Variants in PIEZO2 observed in about 807,000 individuals in gnomAD.
PIEZO2 encodes piezo type mechanosensitive ion channel component 2.
PIEZO2 carries 172 observed loss-of-function variants against 337.3 expected under a neutral mutation model. The observed-to-expected ratio is 0.51, with a 90% CI of 0.45 to 0.58. The LOEUF (loss-of-function observed/expected upper bound fraction) is 0.58, where lower values mean the gene tolerates loss of function less well. PIEZO2 is among the 20% of genes least tolerant of loss of function. The probability of loss-of-function intolerance (pLI) is 0.00; values close to 1 mark genes in which losing one functional copy is unlikely to be tolerated. For synonymous variants in PIEZO2, 1,251 were observed against 1,228.5 expected (o/e 1.02, Z -0.38); for missense variants, 3,028 against 3,391.3 (o/e 0.89, Z 2.66).
At chr18:10,679,725 A>G (rs2034179567) in intron 52 of PIEZO2, among the ~76,000 whole-genome samples, 1 of 152,172 alleles carries the variant, frequency 6.6e-6, no homozygotes, top group Non-Finnish European at 1.5e-5. Context: ...CATGAGGAAA[A>G]CCTAAGTGGA....
At chr18:10,972,592 T>C (rs540240572) in intron 3 of PIEZO2, among the ~76,000 whole-genome samples, 22 of 152,290 alleles carry the variant, frequency 1.4e-4, no homozygotes, top group African/African-American at 4.8e-4. Context: ...GCCCATTTAT[T>C]TGGGATTCTA....
intron 1 of PIEZO2, among the ~76,000 whole-genome samples, chr18:11,079,732 A>C (rs12457872): frequency 6.6e-6 from 1 of 152,326 alleles, no homozygotes; most frequent in Non-Finnish European, 1.5e-5. Context: ...GCATCCTTCA[A>C]ATTAGCTCAA....
At chr18:10,829,282 G>A (rs944873311) in intron 7 of PIEZO2, among the ~76,000 whole-genome samples, 35 of 151,724 alleles carry the variant, frequency 2.3e-4, no homozygotes, top group African/African-American at 8.2e-4. Context: ...AAAAAAAACT[G>A]GATATAGAAG....
At chr18:10,810,109 C>T (rs1036343264) in intron 7 of PIEZO2, among the ~76,000 whole-genome samples, 2 of 152,120 alleles carry the variant, frequency 1.3e-5, no homozygotes, top group Admixed American at 6.6e-5. Context: ...GTAAATGACT[C>T]GATGTCTGAG....
chr18:10,803,741 T>C (rs946464175), intron 9 of PIEZO2, 134 bp downstream of exon 9: 2 of 1,160,366 alleles, frequency 1.7e-6, no homozygotes, highest in Non-Finnish European at 2.3e-6. Context: ...CTAACTCTCC[T>C]AAATCACTGT....
rs2041662305 is a variant in PIEZO2, at chr18:10,854,994, A to G, written c.917+359T>C. Among the ~76,000 whole-genome samples, 1 of 152,226 alleles carries G rather than the reference A, an allele frequency of 6.6e-6. No individual in the cohort carries two copies. The highest frequency in any genetic ancestry group is 1.5e-5 in the Non-Finnish European group (1 of 68,046). On this transcript the variant is annotated intron_variant, in intron 7 of 55. Transcript: ENST00000674853. This position sits in a 1 kb window ranked among gnomAD's most constrained non-coding sequence, Gnocchi z 4.6. ...TAATTTGTTCTCGTATATTAGGCCC[A>G]TGAAACGCCTTTCTAGCTGGATGCT...
At chr18:10,838,546 A>C (rs987668031) in intron 7 of PIEZO2, among the ~76,000 whole-genome samples, 5 of 152,232 alleles carry the variant, frequency 3.3e-5, no homozygotes, top group African/African-American at 1.2e-4. Flanking sequence ...AATAAAAAGC[A>C]ATCTGTTCAT....
At chr18:10,880,152 T>G (rs2042374477) in intron 4 of PIEZO2, among the ~76,000 whole-genome samples, 1 of 152,168 alleles carries the variant, frequency 6.6e-6, no homozygotes, top group Non-Finnish European at 1.5e-5. Context: ...CTGCTTATAT[T>G]TTCCTGTGTA....
rs1555682208 is a variant in PIEZO2 at position 10,956,985 on chromosome 18, A to AC, written c.286+22549_286+22550insG. 9.0e-4 allele frequency among the ~76,000 whole-genome samples: 132 copies of AC among 147,338 alleles called. 2 individuals are homozygous for AC. Among genetic ancestry groups the AC allele is most frequent in the African/African-American group, 1.8e-3 (70 of 39,796 alleles). ...ACTCCATCTCAAAAAAAAAAAAAAA[A>AC]AGAAATCATCCAGTGGAACAGGATA... On this transcript the variant is annotated intron_variant, in intron 3 of 55. Transcript: ENST00000674853.
At chr18:10,825,620 G>C (rs896609519) in intron 7 of PIEZO2, among the ~76,000 whole-genome samples, 6 of 141,308 alleles carry the variant, frequency 4.2e-5, no homozygotes, top group Non-Finnish European at 9.0e-5. Context: ...GCACAATCTC[G>C]GCTCACTGCA....
intron 3 of PIEZO2, among the ~76,000 whole-genome samples, chr18:10,928,344 C>A (rs965323648): frequency 2.0e-5 from 3 of 152,176 alleles, no homozygotes; most frequent in African/African-American, 7.2e-5. Context: ...ATGGCCGCTC[C>A]AAGCAAAGAG....
chr18:10,979,500 A>C lies in PIEZO2; in HGVS notation c.286+35T>G. 1 of 1,440,594 alleles carries C rather than the reference A, an allele frequency of 6.9e-7. No individual in the cohort carries two copies. 89.2% of individuals were successfully genotyped at this position (1,440,594 alleles called of 1,614,324 possible). A position where few individuals can be genotyped will look rare whatever the true frequency, so the allele number is the denominator to read the frequency against. ...TTATGCACGTATATAAAAGAAATAA[A>C]AGAAAACAATAAAAGAAAACACCAT... is the stretch of plus-strand genomic sequence containing the variant. On this transcript the variant is annotated intron_variant, in intron 3 of 55. Transcript: ENST00000674853. The surrounding 1 kb of genome is among the most constrained non-coding windows in gnomAD (Gnocchi z 4.0).
At chr18:10,777,527 C>T (rs1249560459) in intron 18 of PIEZO2, among the ~76,000 whole-genome samples, 3 of 152,196 alleles carry the variant, frequency 2.0e-5, no homozygotes, top group South Asian at 4.1e-4. Flanking sequence ...GAGATACATC[C>T]TTATTTGAAA....
At chr18:10,751,684 G>A (rs1328613300) in intron 28 of PIEZO2, among the ~76,000 whole-genome samples, 1 of 152,230 alleles carries the variant, frequency 6.6e-6, no homozygotes, top group African/African-American at 2.4e-5. Context: ...GGAAGAAGCA[G>A]AAGAGATTTC....
rs1023179248 is a variant in PIEZO2, at chr18:10,821,171, C to A, written c.918-13897G>T. Among the ~76,000 whole-genome samples the A allele has an allele frequency of 1.3e-5, 2 of 152,134 alleles. No homozygotes were observed. The highest frequency in any genetic ancestry group is 2.9e-5 in the Non-Finnish European group (2 of 68,018). Reference sequence around the variant, plus strand: ...AATTCCCATCTTCAGCTCAGCAAGACCACCATGCTCAGTTTGGATTCCCTT... The same window carrying A: ...AATTCCCATCTTCAGCTCAGCAAGAACACCATGCTCAGTTTGGATTCCCTT... On this transcript the variant is annotated intron_variant, in intron 7 of 55. Coordinates refer to ENST00000674853, the MANE Select transcript of PIEZO2 (RefSeq NM_001378183.1). This position sits in a 1 kb window ranked among gnomAD's most constrained non-coding sequence, Gnocchi z 4.2.
intron 42 of PIEZO2, among the ~76,000 whole-genome samples, chr18:10,703,907 G>A (rs1013862480): frequency 6.6e-6 from 1 of 152,190 alleles, no homozygotes; most frequent in African/African-American, 2.4e-5. Context: ...TGAAAAGTAT[G>A]TATGATGTAT....
rs1437287282 is a variant in PIEZO2 at position 10,699,056 on chromosome 18, T to C, written c.6563A>G (p.Asn2188Ser). 2 of 1,537,150 alleles carry C rather than the reference T, an allele frequency of 1.3e-6. No individual in the cohort carries two copies. Among genetic ancestry groups the C allele is most frequent in the East Asian group, 2.4e-5 (1 of 40,916 alleles). ...RDSSDSLKSINLAASVESVHV... is the reference protein window; with the variant it reads ...RDSSDSLKSISLAASVESVHV... ...CACTGACTCCACAGACGCGGCCAGG[T>C]TGATGGACTTGAGAGAATCGGAGGA... Residue 2188 changes from asparagine to serine, a missense_variant, in exon 44 of 56, where the codon AAC (asparagine) becomes AGC (serine). This residue lies in a region of PIEZO2 where 1,925 missense variants were observed against 2,051.9 expected (regional missense o/e 0.94). Transcript: ENST00000674853.
rs796164234 is a variant in PIEZO2, at chr18:10,995,083, A to AAAAAAAAAAAAAG, written c.161-15424_161-15423insCTTTTTTTTTTTT. Among the ~76,000 whole-genome samples the AAAAAAAAAAAAAG allele has an allele frequency of 2.3e-3, 137 of 59,860 alleles. 1 individual carries two copies. Among genetic ancestry groups the AAAAAAAAAAAAAG allele is most frequent in the African/African-American group, 8.4e-3 (128 of 15,294 alleles). The allele number at this position is 59,860 out of a possible 152,430, so 39.3% of individuals were successfully genotyped here. A position where few individuals can be genotyped will look rare whatever the true frequency, so the allele number is the denominator to read the frequency against. ...ACAGAGTGAGACTCCGTCTCAAAAA[A>AAAAAAAAAAAAAG]AAAAAAAAAAAAAGAAAAGCGTTCC... is the stretch of plus-strand genomic sequence containing the variant. On this transcript the variant is annotated intron_variant, in intron 2 of 55. Coordinates refer to ENST00000674853, the MANE Select transcript of PIEZO2 (RefSeq NM_001378183.1).
At chr18:10,822,724 T>C (rs2040555314) in intron 7 of PIEZO2, among the ~76,000 whole-genome samples, 1 of 152,170 alleles carries the variant, frequency 6.6e-6, no homozygotes, top group Non-Finnish European at 1.5e-5. Flanking sequence ...AATGCTTCTC[T>C]TTGCAATTTT....
Sources: gnomAD v4.1 joint callset for allele counts (sites outside exome capture counted in the v4.1 genomes callset) on GRCh38, gnomAD v4.1.1 for gene constraint, gnomAD v4.1.1 regional missense constraint, Gnocchi (gnomAD v3.1) non-coding constraint, MANE v1.5 for transcripts, NCBI Gene and HGNC (gene_info 2026-07-23, HGNC 2026-07-21) for gene names.